Variants in NALF1 observed in about 807,000 individuals in gnomAD.
The protein encoded by NALF1 is family with sequence similarity 155 member A.
NALF1 carries 3 observed loss-of-function variants against 48.4 expected under a neutral mutation model. The observed-to-expected ratio is 0.06, with a 90% CI of 0.03 to 0.16. The LOEUF is 0.16. Ranked by LOEUF, NALF1 falls within the 10% of genes least tolerant of loss-of-function variation. The pLI is 1.00. For missense variants in NALF1, 526 were observed against 571.5 expected, an observed-to-expected ratio of 0.92 and a Z score of 0.81; for synonymous variants, 262 against 245.7, an observed-to-expected ratio of 1.07 and a Z score of -0.62.
intron 1 of NALF1, among the ~76,000 whole-genome samples, chr13:107,299,681 CTTATTTATTTATTTAT>C (rs59861743): frequency 1.2e-4 from 18 of 148,334 alleles, no homozygotes; most frequent in East Asian, 2.0e-4. Context: ...AGAACTGTTC[CTTATTTATTTATTTAT>C]TTATTTATTT....
At chr13:107,712,802 A>G (rs1274497253) in intron 1 of NALF1, among the ~76,000 whole-genome samples, 1 of 152,244 alleles carries the variant, frequency 6.6e-6, no homozygotes, top group African/African-American at 2.4e-5. Context: ...AAGCTTTTCA[A>G]ATTGTTGCCT....
intron 1 of NALF1, among the ~76,000 whole-genome samples, chr13:107,301,861 G>C (rs1881843338): frequency 6.6e-6 from 1 of 151,858 alleles, no homozygotes; most frequent in Non-Finnish European, 1.5e-5. Flanking sequence ...TAGGCTGTAA[G>C]AGATCAACCC....
intron 1 of NALF1, among the ~76,000 whole-genome samples, chr13:107,400,449 T>A (rs9559036): frequency 0.15 from 22,864 of 151,982 alleles, 2,145 homozygotes; most frequent in East Asian, 0.21. Context: ...GGCGTGATGG[T>A]TCACACCTGT....
chr13:107,762,993 C>T (rs1877309479), intron 1 of NALF1, among the ~76,000 whole-genome samples: 1 of 151,408 alleles, frequency 6.6e-6, no homozygotes, highest in Admixed American at 6.6e-5. Flanking sequence ...TGGACACCAG[C>T]TTTTGTGGAG....
At chr13:107,780,611 G>C (rs1383735376) in intron 1 of NALF1, among the ~76,000 whole-genome samples, 1 of 151,394 alleles carries the variant, frequency 6.6e-6, no homozygotes, top group African/African-American at 2.4e-5. Flanking sequence ...CAATTCTCCT[G>C]CCTCAGCCTC....
chr13:107,568,128 C>T (rs2086691985), intron 1 of NALF1, among the ~76,000 whole-genome samples: 1 of 152,112 alleles, frequency 6.6e-6, no homozygotes, highest in African/African-American at 2.4e-5. Flanking sequence ...CACGCATGCA[C>T]CACCATGCCT....
rs138204254 is a variant in NALF1, at chr13:107,471,540, A to C, written c.916-260785T>G. 3.4e-3 allele frequency among the ~76,000 whole-genome samples: 520 copies of C among 152,238 alleles called. 5 individuals carry two copies. Among genetic ancestry groups the C allele is most frequent in the African/African-American group, 0.011 (476 of 41,550 alleles). ...TTATTTAGAAAGTGCCATGGCGTGGATATTATGTAAGTTTCCAGTATGACT... is the reference window on the plus strand; with the variant it reads ...TTATTTAGAAAGTGCCATGGCGTGGCTATTATGTAAGTTTCCAGTATGACT... On this transcript the variant is annotated intron_variant, in intron 1 of 2. Coordinates refer to ENST00000375915, the MANE Select transcript of NALF1 (RefSeq NM_001080396.3).
At chr13:107,632,022 G>T (rs1879849218) in intron 1 of NALF1, among the ~76,000 whole-genome samples, 1 of 152,006 alleles carries the variant, frequency 6.6e-6, no homozygotes. Flanking sequence ...AGTCTACAAA[G>T]TATAAATTTA....
intron 1 of NALF1, among the ~76,000 whole-genome samples, chr13:107,211,482 A>G (rs1195849362): frequency 3.9e-5 from 6 of 152,224 alleles, no homozygotes; most frequent in African/African-American, 1.4e-4. Context: ...ATGTAATTTC[A>G]TCAAATGTGA....
At chr13:107,777,270 G>A (rs2138575244) in intron 1 of NALF1, among the ~76,000 whole-genome samples, 1 of 152,168 alleles carries the variant, frequency 6.6e-6, no homozygotes, top group African/African-American at 2.4e-5. Flanking sequence ...TTTAAGATTT[G>A]CCCCAAACAG....
At chr13:107,838,755 G>C (rs946521809) in intron 1 of NALF1, among the ~76,000 whole-genome samples, 1 of 152,130 alleles carries the variant, frequency 6.6e-6, no homozygotes, top group African/African-American at 2.4e-5. Context: ...AATACATGCT[G>C]TTGGAGGTTC....
At chr13:107,503,395 A>G (rs143277053) in intron 1 of NALF1, among the ~76,000 whole-genome samples, 1,936 of 152,312 alleles carry the variant, frequency 0.013, 24 homozygotes, top group Middle Eastern at 0.037. Context: ...TAAAACCACT[A>G]TGAGATATTA....
chr13:107,743,322 T>C (rs567098719), intron 1 of NALF1, among the ~76,000 whole-genome samples: 19 of 152,332 alleles, frequency 1.2e-4, no homozygotes, highest in African/African-American at 4.6e-4. Context: ...ACACAAACCA[T>C]GTTTCAGTCT....
chr13:107,475,599 T>C (rs954263858), intron 1 of NALF1, among the ~76,000 whole-genome samples: 3 of 152,164 alleles, frequency 2.0e-5, no homozygotes, highest in Admixed American at 6.5e-5. Context: ...TGGAGATTTC[T>C]TGGGGTAATA....
At chr13:107,361,740 T>C (rs1424199076) in intron 1 of NALF1, among the ~76,000 whole-genome samples, 1 of 152,196 alleles carries the variant, frequency 6.6e-6, no homozygotes, top group Non-Finnish European at 1.5e-5. Context: ...CATATTAAGA[T>C]CTCAATTTAT....
At chr13:107,279,520 T>A (rs372555402) in intron 1 of NALF1, among the ~76,000 whole-genome samples, 3 of 152,126 alleles carry the variant, frequency 2.0e-5, no homozygotes, top group Admixed American at 2.0e-4. Flanking sequence ...CCTCCCAAAG[T>A]GCTGGGATTA....
chr13:107,540,805 GT>G (rs1876978358), intron 1 of NALF1, among the ~76,000 whole-genome samples: 1 of 152,062 alleles, frequency 6.6e-6, no homozygotes, highest in South Asian at 2.1e-4. Context: ...GCCAAAAAAA[GT>G]TTTTGGATAT....
At chr13:107,783,110 A>G in intron 1 of NALF1, among the ~76,000 whole-genome samples, 1 of 129,096 alleles carries the variant, frequency 7.7e-6, no homozygotes, top group African/African-American at 3.1e-5. Context: ...CCGGGAGGTG[A>G]GGGGCGCCTC....
chr13:107,335,318 T>C (rs536162938), intron 1 of NALF1, among the ~76,000 whole-genome samples: 1 of 152,260 alleles, frequency 6.6e-6, no homozygotes, highest in African/African-American at 2.4e-5. Flanking sequence ...CTTGACAACT[T>C]CTATTGGGCA....
Sources: gnomAD v4.1 joint callset for allele counts (sites outside exome capture counted in the v4.1 genomes callset) on GRCh38, gnomAD v4.1.1 for gene constraint, MANE v1.5 for transcripts, NCBI Gene and HGNC (gene_info 2026-07-23, HGNC 2026-07-21) for gene names.